NTM: variants seen among roughly 807,000 people sequenced by gnomAD.
The protein encoded by NTM is IgLON family member 2.
NTM carries 13 observed loss-of-function variants against 42.1 expected under a neutral mutation model. The ratio of observed to expected loss-of-function variants is 0.31; its 90% CI spans 0.20 to 0.49. The LOEUF (loss-of-function observed/expected upper bound fraction) is 0.49, where lower values mean the gene tolerates loss of function less well. Among genes scored for constraint, NTM ranks in the 20% least tolerant of loss-of-function variants. The pLI is 0.99. For synonymous variants in NTM, 187 were observed against 179.2 expected (o/e 1.04, Z -0.35); for missense variants, 373 against 452.8 (o/e 0.82, Z 1.60).
intron 1 of NTM, among the ~76,000 whole-genome samples, chr11:131,863,501 C>CT (rs1489642614): frequency 6.6e-6 from 1 of 152,178 alleles, no homozygotes; most frequent in African/African-American, 2.4e-5. Context: ...TCAGCCACTC[C>CT]TCAGCATCAC....
intron 1 of NTM, among the ~76,000 whole-genome samples, chr11:131,490,178 C>A (rs1227234431): frequency 1.3e-5 from 2 of 152,138 alleles, no homozygotes; most frequent in Admixed American, 6.5e-5. Context: ...CCCTATGAAC[C>A]AAACACCTCC....
chr11:131,648,607 C>T (rs918189442), intron 1 of NTM, among the ~76,000 whole-genome samples: 2 of 152,134 alleles, frequency 1.3e-5, no homozygotes, highest in South Asian at 2.1e-4. Context: ...TAGGTAATTT[C>T]CTTTAGGCAT....
chr11:131,778,140 T>G (rs1003528603), intron 1 of NTM, among the ~76,000 whole-genome samples: 1 of 152,228 alleles, frequency 6.6e-6, no homozygotes, highest in African/African-American at 2.4e-5. Flanking sequence ...TCAATAATGT[T>G]AAGCACCTGT....
At chr11:131,543,896 AC>A (rs1286460024) in intron 1 of NTM, among the ~76,000 whole-genome samples, 1 of 152,214 alleles carries the variant, frequency 6.6e-6, no homozygotes, top group African/African-American at 2.4e-5. Context: ...CAGTTAGTAA[AC>A]ACCAAAGAGA....
At chr11:131,894,084 T>C (rs1718570052) in intron 1 of NTM, among the ~76,000 whole-genome samples, 1 of 152,202 alleles carries the variant, frequency 6.6e-6, no homozygotes, top group Non-Finnish European at 1.5e-5. Context: ...GCATTTTATA[T>C]AGAAGTCAGC....
chr11:132,183,311 G>T (rs905367546), intron 3 of NTM, among the ~76,000 whole-genome samples: 3 of 152,110 alleles, frequency 2.0e-5, no homozygotes, highest in African/African-American at 7.2e-5. Flanking sequence ...GGCCACATTT[G>T]GCAGTGACCA....
chr11:131,625,218 T>G (rs2062977799), intron 1 of NTM, among the ~76,000 whole-genome samples: 1 of 152,172 alleles, frequency 6.6e-6, no homozygotes, highest in Non-Finnish European at 1.5e-5. Flanking sequence ...GAGATGAATG[T>G]GTCCCTTTGA....
At chr11:131,766,566 A>G (rs2085137012) in intron 1 of NTM, among the ~76,000 whole-genome samples, 1 of 139,938 alleles carries the variant, frequency 7.1e-6, no homozygotes, top group Non-Finnish European at 1.6e-5. Context: ...TCCAGGGGTC[A>G]CACAGCAGGC....
At chr11:132,089,572 G>T (rs1297127105) in intron 2 of NTM, among the ~76,000 whole-genome samples, 1 of 152,166 alleles carries the variant, frequency 6.6e-6, no homozygotes, top group African/African-American at 2.4e-5. Context: ...CAAAAAAGAT[G>T]AATTTTTTCA....
chr11:131,479,795 A>T (rs1329445524), intron 1 of NTM, among the ~76,000 whole-genome samples: 1 of 152,230 alleles, frequency 6.6e-6, no homozygotes. Flanking sequence ...ATTGTGTGTG[A>T]GAACGTCAGC....
In NTM at chr11:131,562,134, A is replaced by G. The variant is rs11222695; in HGVS notation, c.82+191246A>G. On this transcript the variant is annotated intron_variant, in intron 1 of 8. Transcript: ENST00000683400. ...AGCAGGCCACGCACTGAAGCAGGGC[A>G]GAGAGAAGGAGGATGCAGCCAGTCA... 0.012 allele frequency among the ~76,000 whole-genome samples: 1,791 copies of G among 152,266 alleles called. 60 individuals are homozygous for G. In the East Asian group the frequency reaches 0.14, roughly 12 times the overall value.
intron 1 of NTM, among the ~76,000 whole-genome samples, chr11:131,670,361 T>TCC (rs2069929953): frequency 3.3e-5 from 5 of 151,946 alleles, no homozygotes; most frequent in African/African-American, 1.2e-4. Flanking sequence ...CTCTCTTACT[T>TCC]TCTTCCTTCC....
rs191229520 is a variant in NTM at position 131,600,138 on chromosome 11, G to T, written c.82+229250G>T. 1.9e-4 allele frequency among the ~76,000 whole-genome samples: 29 copies of T among 152,290 alleles called. No homozygotes were observed. The East Asian group carries it at 5.2e-3, about 27-fold the overall frequency. On this transcript the variant is annotated intron_variant, in intron 1 of 8. Coordinates refer to ENST00000683400, the MANE Select transcript of NTM (RefSeq NM_001352005.2). The stretch of plus-strand genomic sequence containing the variant: ...TAATAACTGGGATGTAGCTGTGCAT[G>T]TTCGGACCCTCCTCCCAGCAGCCCT...
chr11:132,312,048 T>G (rs990889856), intron 6 of NTM, among the ~76,000 whole-genome samples: 2 of 152,192 alleles, frequency 1.3e-5, no homozygotes, highest in Non-Finnish European at 2.9e-5. Context: ...AGTTTTCCCT[T>G]CCCTGCACAT....
At chr11:132,042,065 T>G (rs1203561579) in intron 2 of NTM, among the ~76,000 whole-genome samples, 1 of 152,176 alleles carries the variant, frequency 6.6e-6, no homozygotes, top group East Asian at 1.9e-4. Flanking sequence ...CTTGTTAAAT[T>G]TATGACTGTG....
chr11:131,958,634 G>A (rs932508535), intron 2 of NTM, among the ~76,000 whole-genome samples: 2 of 152,136 alleles, frequency 1.3e-5, no homozygotes, highest in African/African-American at 2.4e-5. Flanking sequence ...AAGAAGATAA[G>A]TTACATTTTT....
At chr11:131,497,734 C>CT (rs1955503908) in intron 1 of NTM, among the ~76,000 whole-genome samples, 1 of 152,148 alleles carries the variant, frequency 6.6e-6, no homozygotes, top group Non-Finnish European at 1.5e-5. Context: ...GTATGTTCAG[C>CT]TTCCCTGTTC....
intron 2 of NTM, among the ~76,000 whole-genome samples, chr11:132,021,484 T>G (rs1248937197): frequency 6.6e-6 from 1 of 152,182 alleles, no homozygotes; most frequent in African/African-American, 2.4e-5. Context: ...AAAATATATT[T>G]TAGCAAATAT....
chr11:132,248,195 G>C (rs1365524068), intron 4 of NTM, among the ~76,000 whole-genome samples: 1 of 151,968 alleles, frequency 6.6e-6, no homozygotes, highest in Non-Finnish European at 1.5e-5. Context: ...GGAGAGACAG[G>C]GGAAAAAACT....
Sources: allele counts gnomAD v4.1 joint callset (sites outside exome capture counted in the v4.1 genomes callset), GRCh38; gene constraint gnomAD v4.1.1; transcripts MANE v1.5; gene names NCBI Gene and HGNC (gene_info 2026-07-23, HGNC 2026-07-21).